Variants in GRM4 observed in about 807,000 individuals in gnomAD.
GRM4 encodes metabotropic glutamate receptor 4.
In GRM4, 28 loss-of-function variants were observed where a neutral mutation model predicts 81.7. The ratio of observed to expected loss-of-function variants is 0.34; its 90% CI spans 0.25 to 0.47. The LOEUF (loss-of-function observed/expected upper bound fraction) is 0.47, where lower values mean the gene tolerates loss of function less well. Among genes scored for constraint, GRM4 ranks in the 20% least tolerant of loss-of-function variants. The pLI, the probability that GRM4 is intolerant of heterozygous loss-of-function variation, is 1.00. For missense variants in GRM4, 948 were observed against 1,290.0 expected (o/e 0.73, Z 4.06); for synonymous variants, 488 against 528.8 (o/e 0.92, Z 1.06).
chr6:34,122,242 A>G (rs1769840464), intron 2 of GRM4, among the ~76,000 whole-genome samples: 1 of 152,090 alleles, frequency 6.6e-6, no homozygotes, highest in Non-Finnish European at 1.5e-5. Context: ...CAAGGCGTCC[A>G]ACAGGCACCA....
chr6:34,121,213 T>G lies in GRM4; in HGVS notation c.519+11765A>C, dbSNP rs769312367. Among the ~76,000 whole-genome samples the G allele has an allele frequency of 6.6e-6, 1 of 152,064 alleles. No individual in the cohort carries two copies. The highest frequency in any genetic ancestry group is 1.5e-5 in the Non-Finnish European group (1 of 68,010). ...CTCACCCTCACACACCGCCCCCCAG[T>G]CCTAAGCCTCAGACTCCTTCCCTGG... On this transcript the variant is annotated intron_variant, in intron 2 of 10. Transcript: ENST00000538487. The surrounding 1 kb of genome is among the most constrained non-coding windows in gnomAD (Gnocchi z 4.6).
At chr6:34,113,033 TAATG>T (rs1769450271) in intron 2 of GRM4, among the ~76,000 whole-genome samples, 1 of 152,186 alleles carries the variant, frequency 6.6e-6, no homozygotes, top group Admixed American at 6.5e-5. Flanking sequence ...ATTGCAATAA[TAATG>T]ACCTTCCATT....
At chr6:34,117,097 A>T (rs767951543) in intron 2 of GRM4, among the ~76,000 whole-genome samples, 3 of 152,254 alleles carry the variant, frequency 2.0e-5, no homozygotes, top group African/African-American at 4.8e-5. Flanking sequence ...TGCATTTATA[A>T]AAGTTCAACA....
chr6:34,110,722 C>A, intron 2 of GRM4: 1 of 1,516,458 alleles, frequency 6.6e-7, no homozygotes, highest in African/African-American at 1.4e-5. Flanking sequence ...TGCCGGGGTG[C>A]TGGGCTGGTA....
chr6:34,143,898 T>C (rs1325653897), intron 1 of GRM4, among the ~76,000 whole-genome samples: 4 of 152,150 alleles, frequency 2.6e-5, no homozygotes, highest in East Asian at 3.9e-4. Flanking sequence ...GATGGGAACA[T>C]ACATGCCCCT....
intron 10 of GRM4, among the ~76,000 whole-genome samples, chr6:34,026,840 G>A (rs920105268): frequency 6.6e-6 from 1 of 152,220 alleles, no homozygotes; most frequent in Non-Finnish European, 1.5e-5. Flanking sequence ...GAGCACTGGG[G>A]AAAAGCATAT....
rs1380197768 is a variant in GRM4 at position 34,070,176 on chromosome 6, A to G, written c.737-8148T>C. On this transcript the variant is annotated intron_variant, in intron 3 of 10. Coordinates refer to ENST00000538487, the MANE Select transcript of GRM4 (RefSeq NM_000841.4). This position sits in a 1 kb window ranked among gnomAD's most constrained non-coding sequence, Gnocchi z 4.6. ...TCGGTGACCTCCCCTCTGAGCTGCC[A>G]CCTCCTTACATGCACAGCCACTGGA... Among the ~76,000 whole-genome samples, 3 of 151,708 alleles carry G rather than the reference A, an allele frequency of 2.0e-5. No individual in the cohort carries two copies. The highest frequency in any genetic ancestry group is 4.8e-5 in the African/African-American group (2 of 41,276).
chr6:34,130,696 C>A lies in GRM4; in HGVS notation c.519+2282G>T, dbSNP rs565646579. Among the ~76,000 whole-genome samples the A allele has an allele frequency of 8.5e-5, 13 of 152,318 alleles. No individual in the cohort carries two copies. Among genetic ancestry groups the A allele is most frequent in the African/African-American group, 2.9e-4 (12 of 41,574 alleles). On this transcript the variant is annotated intron_variant, in intron 2 of 10. Transcript: ENST00000538487. The surrounding 1 kb of genome is among the most constrained non-coding windows in gnomAD (Gnocchi z 4.1). ...CATTCCTTGAGCCTTCGCCATGTACCAAGTGATGGGGCACTCTCAGCTCCT... is the reference window on the plus strand; with the variant it reads ...CATTCCTTGAGCCTTCGCCATGTACAAAGTGATGGGGCACTCTCAGCTCCT...
chr6:34,130,276 C>T lies in GRM4; in HGVS notation c.519+2702G>A, dbSNP rs558861560. On this transcript the variant is annotated intron_variant, in intron 2 of 10. Coordinates refer to ENST00000538487, the MANE Select transcript of GRM4 (RefSeq NM_000841.4). This position sits in a 1 kb window ranked among gnomAD's most constrained non-coding sequence, Gnocchi z 4.1. ...GGACCCAGGGAATGCAGGCCACAGC[C>T]GGCTGGTTTTCTCCCCGCTGTCCCT... Among the ~76,000 whole-genome samples the T allele has an allele frequency of 4.6e-5, 7 of 152,340 alleles. No individual in the cohort carries two copies. Among genetic ancestry groups the T allele is most frequent in the East Asian group, 1.9e-4 (1 of 5,188 alleles).
intron 1 of GRM4, among the ~76,000 whole-genome samples, chr6:34,138,854 T>C (rs1181745683): frequency 6.6e-5 from 10 of 152,188 alleles, no homozygotes; most frequent in Admixed American, 6.5e-4. Flanking sequence ...GGGCCTCTCG[T>C]TCAAGTAATC....
In GRM4 at chr6:34,092,027, C is replaced by T. The variant is rs776002017; in HGVS notation, c.592G>A (p.Val198Met). 1.9e-5 allele frequency: 31 copies of T among 1,613,908 alleles called. No homozygotes were observed. The highest frequency in any genetic ancestry group is 1.3e-4 in the East Asian group (6 of 44,896). Residue 198 changes from valine (V) to methionine (M), a missense_variant, in exon 3 of 11, where the codon GTG (valine) becomes ATG (methionine). By Grantham distance (21) the Val-to-Met change is conservative. Transcript: ENST00000538487. The surrounding 1 kb of genome is among the most constrained non-coding windows in gnomAD (Gnocchi z 6.8). ...GCCTGGTACGTGTCCGAGGGCACCACGCGGGAGAAGAAGTCGTAGCGGCTG... is the reference window on the plus strand; with the variant it reads ...GCCTGGTACGTGTCCGAGGGCACCATGCGGGAGAAGAAGTCGTAGCGGCTG... ...DNSRYDFFSRVVPSDTYQAQA... is the reference protein window; with the variant it reads ...DNSRYDFFSRMVPSDTYQAQA...
intron 2 of GRM4, among the ~76,000 whole-genome samples, chr6:34,128,105 A>G (rs1278220723): frequency 6.6e-6 from 1 of 152,070 alleles, no homozygotes; most frequent in Non-Finnish European, 1.5e-5. Flanking sequence ...TCATTACTCA[A>G]AGTTAAGTTG....
chr6:34,056,607 T>C lies in GRM4; in HGVS notation c.1105A>G (p.Asn369Asp). ...TGGCGGCTCAGCTTGCAGTGGAAGT[T>C]GTCCTCCCAGAACTCGGCAAACCAG... The part of the protein sequence containing the change: ...NIWFAEFWED[N>D]FHCKLSRHAL... Residue 369 changes from asparagine to aspartate, a missense_variant, in exon 6 of 11, where the codon AAC becomes GAC. Physicochemically the swap from Asn to Asp is conservative, Grantham distance 23. Coordinates refer to ENST00000538487, the MANE Select transcript of GRM4 (RefSeq NM_000841.4). 2 of 1,613,648 alleles carry C rather than the reference T, an allele frequency of 1.2e-6. No individual in the cohort carries two copies. The highest frequency in any genetic ancestry group is 1.7e-6 in the Non-Finnish European group (2 of 1,179,970).
At position 34,061,968 on chromosome 6, in the gene GRM4, T is replaced by C; in HGVS notation, c.797A>G (p.Asp266Gly). 3 of 1,614,010 alleles carry C rather than the reference T, an allele frequency of 1.9e-6. No homozygotes were observed. Among genetic ancestry groups the C allele is most frequent in the Non-Finnish European group, 1.7e-6 (2 of 1,179,866 alleles). The change falls in exon 4 of 11, where the codon GAC (aspartate) becomes GGC (glycine). Residue 266 changes from aspartate to glycine, a missense_variant. Coordinates refer to ENST00000538487, the MANE Select transcript of GRM4 (RefSeq NM_000841.4). ...IPREPKAGEF[D>G]KIIRRLLETS... ...CTCCAGGAGGCGGCGGATGATCTTGTCGAACTCGCCTGCCTTGGGCTCCCG... is the reference window on the plus strand; with the variant it reads ...CTCCAGGAGGCGGCGGATGATCTTGCCGAACTCGCCTGCCTTGGGCTCCCG...
chr6:34,154,956 C>G (rs1466555352), intron 1 of GRM4: 3 of 767,212 alleles, frequency 3.9e-6, no homozygotes, highest in African/African-American at 1.8e-5. Context: ...CTCATTGCAC[C>G]CAGCGGCCGG....
rs763694654 is a variant in GRM4, at chr6:34,028,187, C to T, written c.2622G>A (p.Thr874=). 52 of 1,613,928 alleles carry T rather than the reference C, an allele frequency of 3.2e-5. 1 individual carries two copies. In the South Asian group the frequency reaches 5.0e-4, roughly 16 times the overall value. Residue 874 remains threonine (T), a synonymous_variant, in exon 10 of 11, where the codon ACG becomes ACA. Coordinates refer to ENST00000538487, the MANE Select transcript of GRM4 (RefSeq NM_000841.4). ...CGTTGGGCCGGAAGTTGCCCTTCTGCGTGAACTTGTTGGACATGGTGGCCG... is the reference window on the plus strand; with the variant it reads ...CGTTGGGCCGGAAGTTGCCCTTCTGTGTGAACTTGTTGGACATGGTGGCCG... ...VTAATMSNKF[T]QKGNFRPNGE... is the part of the protein sequence containing the mutation.
chr6:34,095,126 G>T (rs1768452526), intron 2 of GRM4, among the ~76,000 whole-genome samples: 1 of 152,220 alleles, frequency 6.6e-6, no homozygotes, highest in Non-Finnish European at 1.5e-5. Flanking sequence ...GCGTCAGCCT[G>T]CAGGAGAGCC....
intron 1 of GRM4, among the ~76,000 whole-genome samples, chr6:34,153,001 C>A (rs929232582): frequency 6.6e-6 from 1 of 152,132 alleles, no homozygotes; most frequent in Non-Finnish European, 1.5e-5. Context: ...GATGGACCAG[C>A]CAGTGCAATG....
rs1360741951 is a variant in GRM4, at chr6:34,092,296, A to G, written c.520-197T>C. Among the ~76,000 whole-genome samples, 2 of 152,152 alleles carry G rather than the reference A, an allele frequency of 1.3e-5. No individual in the cohort carries two copies. The highest frequency in any genetic ancestry group is 1.5e-5 in the Non-Finnish European group (1 of 68,006). On this transcript the variant is annotated intron_variant, in intron 2 of 10. Transcript: ENST00000538487. The surrounding 1 kb of genome is among the most constrained non-coding windows in gnomAD (Gnocchi z 6.8). Reference sequence around the variant, plus strand: ...CCCTGGGGTCCCCAAAGACACCCCAACCACACACAGATACACACACAGGCA... The same window carrying G: ...CCCTGGGGTCCCCAAAGACACCCCAGCCACACACAGATACACACACAGGCA...
Sources: gnomAD v4.1 joint callset for allele counts (sites outside exome capture counted in the v4.1 genomes callset) on GRCh38, gnomAD v4.1.1 for gene constraint, Gnocchi (gnomAD v3.1) non-coding constraint, MANE v1.5 for transcripts, NCBI Gene and HGNC (gene_info 2026-07-23, HGNC 2026-07-21) for gene names.